Variants in PCNX2 observed in about 807,000 individuals in gnomAD.
PCNX2 encodes pecanex 2.
Under a neutral mutation model 223.8 loss-of-function variants are expected in PCNX2, and 168 were observed. That is an observed-to-expected ratio of 0.75 (90% CI 0.66 to 0.85). The LOEUF is 0.85. Ranked by LOEUF, PCNX2 falls within the 40% of genes least tolerant of loss-of-function variation. PCNX2 has a pLI of 0.00. For missense variants in PCNX2, 2,507 were observed against 2,675.5 expected, an observed-to-expected ratio of 0.94 and a Z score of 1.39; for synonymous variants, 1,006 against 1,052.6, an observed-to-expected ratio of 0.96 and a Z score of 0.86.
intron 19 of PCNX2, among the ~76,000 whole-genome samples, chr1:233,155,607 A>C (rs1362505945): frequency 6.6e-6 from 1 of 152,242 alleles, no homozygotes; most frequent in African/African-American, 2.4e-5. Flanking sequence ...ACAGTCATCA[A>C]ATCAGGTCAC....
chr1:233,187,403 C>T (rs1359699103), intron 15 of PCNX2, among the ~76,000 whole-genome samples: 1 of 152,138 alleles, frequency 6.6e-6, no homozygotes, highest in Non-Finnish European at 1.5e-5. Flanking sequence ...TGTCTTCCAT[C>T]ACTACTAGGG....
Position 233,007,698 on chromosome 1 carries a change from C to T in PCNX2, c.4953-6017G>A, listed in dbSNP as rs552381103. Among the ~76,000 whole-genome samples the T allele has an allele frequency of 5.5e-4, 83 of 152,138 alleles. 2 individuals are homozygous for T. The South Asian group carries it at 8.5e-3, about 16-fold the overall frequency. On this transcript the variant is annotated intron_variant, in intron 28 of 33. Transcript: ENST00000258229. ...GATTACAGGCACCTGCCACCATGCCCGGCTAATTTTTTTGTATTTTTAGTA... is the reference window on the plus strand; with the variant it reads ...GATTACAGGCACCTGCCACCATGCCTGGCTAATTTTTTTGTATTTTTAGTA...
chr1:233,321,615 AATGTC>A, the PCNX2 span, among the ~76,000 whole-genome samples: 3 of 152,280 alleles, frequency 2.0e-5, no homozygotes, highest in Middle Eastern at 6.8e-3. Flanking sequence ...TTTTCTTTAA[AATGTC>A]ATCATACTTG....
intron 21 of PCNX2, among the ~76,000 whole-genome samples, chr1:233,105,863 C>T (rs1360541376): frequency 6.6e-6 from 1 of 152,170 alleles, no homozygotes. Context: ...GTCGACATTG[C>T]ACATTGAAAT....
chr1:233,293,017 T>C (rs1209409154), intron 1 of PCNX2, among the ~76,000 whole-genome samples: 2 of 152,180 alleles, frequency 1.3e-5, no homozygotes, highest in Non-Finnish European at 2.9e-5. Flanking sequence ...GAAAATTACA[T>C]TTAAATATCA....
intron 21 of PCNX2, among the ~76,000 whole-genome samples, chr1:233,114,925 G>A (rs1205110345): frequency 6.6e-6 from 1 of 152,162 alleles, no homozygotes; most frequent in Non-Finnish European, 1.5e-5. Flanking sequence ...TCATGGTGAA[G>A]ATCAAGAAAC....
intron 22 of PCNX2, 131 bp from the exon 23 acceptor site, chr1:233,090,321 A>G (rs933184020): frequency 1.9e-6 from 2 of 1,057,190 alleles, no homozygotes; most frequent in South Asian, 3.0e-5. Context: ...CACACACTTA[A>G]TCTCTCTATG....
the PCNX2 span, among the ~76,000 whole-genome samples, chr1:233,309,688 G>A: frequency 6.6e-6 from 1 of 151,942 alleles, no homozygotes; most frequent in Non-Finnish European, 1.5e-5. Flanking sequence ...GACCAGCCTG[G>A]CCAACATGAT....
chr1:233,027,376 A>G (rs910109762), intron 25 of PCNX2, among the ~76,000 whole-genome samples: 1 of 152,154 alleles, frequency 6.6e-6, no homozygotes, highest in Non-Finnish European at 1.5e-5. Context: ...AAGTTTAAAA[A>G]ATCTTTTTGA....
At chr1:233,079,235 T>G (rs1673240268) in intron 23 of PCNX2, among the ~76,000 whole-genome samples, 1 of 152,050 alleles carries the variant, frequency 6.6e-6, no homozygotes, top group African/African-American at 2.4e-5. Flanking sequence ...TCTCTAAAAC[T>G]AAAAGGTGGC....
intron 23 of PCNX2, among the ~76,000 whole-genome samples, chr1:233,070,991 A>C (rs1672830326): frequency 6.6e-6 from 1 of 152,244 alleles, no homozygotes; most frequent in Admixed American, 6.5e-5. Flanking sequence ...AGCCGAGATC[A>C]TGCCACTGCA....
At position 233,139,161 on chromosome 1, in the gene PCNX2, T is replaced by C. The variant is rs1676964966; in HGVS notation, c.3659+553A>G. Among the ~76,000 whole-genome samples, 1 of 152,214 alleles carries C rather than the reference T, an allele frequency of 6.6e-6. No individual in the cohort carries two copies. The stretch of plus-strand genomic sequence containing the variant: ...GTTGTAAATTCAGAATTAATTTTAA[T>C]ATATGAAACCAATAACTCGACTGTA... On this transcript the variant is annotated intron_variant, in intron 20 of 33. Transcript: ENST00000258229. This position sits in a 1 kb window ranked among gnomAD's most constrained non-coding sequence, Gnocchi z 4.4.
rs1558404775 is a variant in PCNX2, at chr1:233,263,171, A to G, written c.154-8T>C. ...CGCATTTGGAGGAAAAGCCTGAAGAAAGGAAAAGACAGAGAAAAATCATTT... is the reference window on the plus strand; with the variant it reads ...CGCATTTGGAGGAAAAGCCTGAAGAGAGGAAAAGACAGAGAAAAATCATTT... On this transcript the variant is annotated splice_region_variant and splice_polypyrimidine_tract_variant and intron_variant, in intron 1 of 33. Transcript: ENST00000258229. 3.2e-6 allele frequency: 5 copies of G among 1,584,436 alleles called. No homozygotes were observed. The highest frequency in any genetic ancestry group is 4.3e-6 in the Non-Finnish European group (5 of 1,164,720).
intron 25 of PCNX2, among the ~76,000 whole-genome samples, chr1:233,050,417 C>T (rs1055386837): frequency 2.6e-5 from 4 of 151,440 alleles, no homozygotes; most frequent in African/African-American, 9.7e-5. Flanking sequence ...CATCAATTAC[C>T]CAACTTCAAA....
chr1:233,325,599 C>T, the PCNX2 span, among the ~76,000 whole-genome samples: 1 of 151,870 alleles, frequency 6.6e-6, no homozygotes, highest in African/African-American at 2.4e-5. Flanking sequence ...TGCCGCGAAC[C>T]CAGGAGGCGG....
At chr1:233,218,771 G>A (rs1383440943) in intron 10 of PCNX2, among the ~76,000 whole-genome samples, 2 of 151,918 alleles carry the variant, frequency 1.3e-5, no homozygotes, top group Non-Finnish European at 2.9e-5. Context: ...CCACTAAACT[G>A]GGTTTACTGG....
intron 12 of PCNX2, among the ~76,000 whole-genome samples, chr1:233,209,311 C>T (rs931337879): frequency 2.0e-5 from 3 of 151,994 alleles, no homozygotes; most frequent in African/African-American, 7.3e-5. Context: ...TGATCTTATC[C>T]CTATGCCTAT....
intron 27 of PCNX2, chr1:233,016,696 G>A (rs1210109039): frequency 2.3e-6 from 2 of 868,344 alleles, no homozygotes; most frequent in Non-Finnish European, 2.8e-6. Flanking sequence ...CCTGAGCACT[G>A]CATAAAGGGA....
At chr1:233,132,549 C>T (rs923909110) in intron 21 of PCNX2, among the ~76,000 whole-genome samples, 1 of 152,186 alleles carries the variant, frequency 6.6e-6, no homozygotes, top group African/African-American at 2.4e-5. Flanking sequence ...AGGACTCTTA[C>T]AGAAAGAAAC....
Sources: allele counts gnomAD v4.1 joint callset (sites outside exome capture counted in the v4.1 genomes callset), GRCh38; gene constraint gnomAD v4.1.1; non-coding constraint Gnocchi (gnomAD v3.1); transcripts MANE v1.5; gene names NCBI Gene and HGNC (gene_info 2026-07-23, HGNC 2026-07-21).